The following ADGRF3 variants were observed in gnomAD, a reference collection of about 807,000 sequenced individuals.
ADGRF3 encodes the protein adhesion G protein-coupled receptor F3, also known as G protein-coupled receptor 113.
Under a neutral mutation model 93.2 loss-of-function variants are expected in ADGRF3, and 85 were observed. That is an observed-to-expected ratio of 0.91 (90% CI 0.77 to 1.09). The LOEUF (loss-of-function observed/expected upper bound fraction) is 1.09, where lower values mean the gene tolerates loss of function less well. Among genes scored for constraint, ADGRF3 ranks in the 50% least tolerant of loss-of-function variants. ADGRF3 has a pLI of 0.00. For missense variants in ADGRF3, 1,125 were observed against 1,246.2 expected, an observed-to-expected ratio of 0.90 and a Z score of 1.46; for synonymous variants, 534 against 532.5, an observed-to-expected ratio of 1.00 and a Z score of -0.04.
At chr2:26,313,629 C>T in intron 7 of ADGRF3, 56 bp from the exon 8 acceptor site, 6 of 1,570,430 alleles carry the variant, frequency 3.8e-6, no homozygotes, top group Non-Finnish European at 4.3e-6. Context: ...TGAGCCTCTC[C>T]TTGGGCAGAA....
chr2:26,328,917 G>C (rs145559133), intron 1 of ADGRF3, among the ~76,000 whole-genome samples: 68 of 152,276 alleles, frequency 4.5e-4, no homozygotes, highest in African/African-American at 1.6e-3. Flanking sequence ...ACAGAATAAT[G>C]ACCACCCAAA....
intron 1 of ADGRF3, 142 bp downstream of exon 1, chr2:26,345,979 T>G: frequency 5.1e-6 from 4 of 777,034 alleles, no homozygotes; most frequent in Non-Finnish European, 8.1e-6. Context: ...AACAGCAGTG[T>G]CGGGGGACGG....
intron 1 of ADGRF3, among the ~76,000 whole-genome samples, chr2:26,339,386 C>T (rs1054635693): frequency 6.6e-6 from 1 of 151,444 alleles, no homozygotes; most frequent in African/African-American, 2.4e-5. Context: ...ATCCCAGCTA[C>T]ATGAGAGGCT....
chr2:26,323,990 C>A (rs975660101), intron 1 of ADGRF3, among the ~76,000 whole-genome samples: 1 of 151,968 alleles, frequency 6.6e-6, no homozygotes, highest in Non-Finnish European at 1.5e-5. Context: ...GCCTGTAATC[C>A]CAGCACTTTG....
chr2:26,313,284 T>A, intron 8 of ADGRF3, 93 bp downstream of exon 8: 2 of 1,433,258 alleles, frequency 1.4e-6, no homozygotes, highest in Non-Finnish European at 1.9e-6. Context: ...GCCTGTGGGC[T>A]GGGCCTTGGG....
chr2:26,326,431 A>C (rs1050226738), intron 1 of ADGRF3, among the ~76,000 whole-genome samples: 3 of 152,124 alleles, frequency 2.0e-5, no homozygotes, highest in African/African-American at 7.2e-5. Flanking sequence ...ATCCTTCTGG[A>C]AGTGGAAGTT....
chr2:26,344,707 C>T (rs1458905230), intron 1 of ADGRF3, among the ~76,000 whole-genome samples: 1 of 152,098 alleles, frequency 6.6e-6, no homozygotes, highest in Non-Finnish European at 1.5e-5. Flanking sequence ...GTGGTGTGCG[C>T]CTGTAGTTCT....
rs149293638 is a variant in ADGRF3, at chr2:26,311,730, C to A, written c.1794G>T (p.Leu598=). ...SLVLRKLDHL[L]PSNYGQGLGD... Reference sequence around the variant, plus strand: ...CCAGCCCTTGTCCATAGTTTGAGGGCAGAAGGTGGTCCAGTTTTCGCAGCA... The same window carrying A: ...CCAGCCCTTGTCCATAGTTTGAGGGAAGAAGGTGGTCCAGTTTTCGCAGCA... Residue 598 remains leucine, a synonymous_variant, in exon 10 of 14, where the codon CTG becomes CTT. Coordinates refer to ENST00000651242, the MANE Select transcript of ADGRF3 (RefSeq NM_001321971.2). The A allele has an allele frequency of 3.1e-6, 5 of 1,613,294 alleles. No homozygotes were observed. Among genetic ancestry groups the A allele is most frequent in the Non-Finnish European group, 4.2e-6 (5 of 1,179,668 alleles).
intron 1 of ADGRF3, among the ~76,000 whole-genome samples, chr2:26,319,499 T>C (rs951355824): frequency 2.6e-5 from 4 of 151,460 alleles, no homozygotes; most frequent in Admixed American, 6.6e-5. Flanking sequence ...TAAAATAATT[T>C]CCAGATAGAC....
At chr2:26,312,890 G>T in intron 9 of ADGRF3, 53 bp downstream of exon 9, 5 of 1,508,576 alleles carry the variant, frequency 3.3e-6, no homozygotes, top group Non-Finnish European at 4.5e-6. Flanking sequence ...CAGGTGGGGA[G>T]TCTTCAGCCC....
At chr2:26,319,052 C>G (rs1299122447) in intron 1 of ADGRF3, 2 of 1,548,678 alleles carry the variant, frequency 1.3e-6, no homozygotes, top group Non-Finnish European at 1.7e-6. Context: ...CAGACCATGG[C>G]TCAGTGAAGC....
chr2:26,320,138 A>G (rs1288979018), intron 1 of ADGRF3, among the ~76,000 whole-genome samples: 1 of 152,230 alleles, frequency 6.6e-6, no homozygotes, highest in African/African-American at 2.4e-5. Flanking sequence ...TCTAGTTTTC[A>G]TATCAATAAG....
rs201094080 is a variant in ADGRF3, at chr2:26,311,470, G to A, written c.2054C>T (p.Thr685Ile). The change falls in exon 10 of 14, where the codon ACT (threonine) becomes ATT (isoleucine). Residue 685 changes from threonine to isoleucine, a missense_variant. Physicochemically the swap from Thr to Ile is moderately conservative, Grantham distance 89 (BLOSUM62 -1). Transcript: ENST00000651242. ...TGGGGACATGAGGACGGAGAAGGCAGTGAGGTGCTGGCAGAGGCACTGAGC... is the reference window on the plus strand; with the variant it reads ...TGGGGACATGAGGACGGAGAAGGCAATGAGGTGCTGGCAGAGGCACTGAGC... ...PTAQCLCQHL[T>I]AFSVLMSPHT... is the part of the protein sequence containing the mutation. The A allele has an allele frequency of 2.5e-6, 4 of 1,614,084 alleles. No homozygotes were observed. The East Asian group carries it at 8.9e-5, about 36-fold the overall frequency.
At position 26,311,982 on chromosome 2, in the gene ADGRF3, A is replaced by T. The variant is rs895145124; in HGVS notation, c.1542T>A (p.Thr514=). The change falls in exon 10 of 14, where the codon ACT becomes ACA. Residue 514 remains threonine (T), a synonymous_variant. Transcript: ENST00000651242. ...CCAGGGTCTCCACAGCCAGCAGGAG[A>T]GTCGAGCCTGCCCAGGGCTTCCGGG... ...AQARKPWAGS[T]LLLAVETLAC... 2.9e-5 allele frequency: 47 copies of T among 1,613,402 alleles called. No homozygotes were observed. Among genetic ancestry groups the T allele is most frequent in the Non-Finnish European group, 4.0e-5 (47 of 1,179,878 alleles).
chr2:26,344,625 T>TA (rs775740921), intron 1 of ADGRF3, among the ~76,000 whole-genome samples: 4 of 152,176 alleles, frequency 2.6e-5, no homozygotes, highest in Non-Finnish European at 5.9e-5. Context: ...GCAAGTGTGA[T>TA]AAAGGACACT....
At chr2:26,332,995 T>A (rs1675852961) in intron 1 of ADGRF3, among the ~76,000 whole-genome samples, 1 of 152,166 alleles carries the variant, frequency 6.6e-6, no homozygotes, top group African/African-American at 2.4e-5. Flanking sequence ...TCCGACAAGA[T>A]AAACTGAAAG....
intron 3 of ADGRF3, 88 bp from the exon 4 acceptor site, chr2:26,316,536 T>A: frequency 7.3e-7 from 1 of 1,361,664 alleles, no homozygotes; most frequent in Non-Finnish European, 1.0e-6. Flanking sequence ...CCTGAGAGGC[T>A]TTAGGGCTGG....
intron 1 of ADGRF3, among the ~76,000 whole-genome samples, chr2:26,344,291 G>A (rs1253960816): frequency 1.3e-5 from 2 of 152,058 alleles, no homozygotes; most frequent in Admixed American, 6.6e-5. Flanking sequence ...CTACAGGCGC[G>A]TGCCACCACA....
At chr2:26,317,349 C>A in intron 2 of ADGRF3, 147 bp downstream of exon 2, 1 of 768,026 alleles carries the variant, frequency 1.3e-6, no homozygotes, top group South Asian at 1.8e-5. Context: ...TGGTCACAGA[C>A]CTGTCCGACT....
Sources: gnomAD v4.1 joint callset for allele counts (sites outside exome capture counted in the v4.1 genomes callset) on GRCh38, gnomAD v4.1.1 for gene constraint, MANE v1.5 for transcripts, NCBI Gene and HGNC (gene_info 2026-07-23, HGNC 2026-07-21) for gene names.